Variants in NECAB2 observed in about 807,000 individuals in gnomAD.
NECAB2 encodes the protein N-terminal EF-hand calcium-binding protein 2.
A neutral mutation model predicts 51.9 loss-of-function variants in NECAB2; 68 were observed. The observed-to-expected ratio is 1.31, with a 90% confidence interval of 1.08 to 1.60. The LOEUF is 1.60. Among genes scored for constraint, NECAB2 ranks in the 40% most tolerant of loss-of-function variants. The pLI, the probability that NECAB2 is intolerant of heterozygous loss-of-function variation, is 0.00. For missense variants in NECAB2, 854 were observed against 490.3 expected, an observed-to-expected ratio of 1.74 and a Z score of -7.00; for synonymous variants, 329 against 203.5, an observed-to-expected ratio of 1.62 and a Z score of -5.25.
chr16:84,002,013 T>C, intron 12 of NECAB2, 97 bp downstream of exon 12: 2 of 1,365,646 alleles, frequency 1.5e-6, no homozygotes, highest in African/African-American at 2.9e-5. Flanking sequence ...CTTGCCTGCT[T>C]GCTGTGGGCC....
chr16:83,977,408 C>G (rs1284305592), intron 2 of NECAB2, among the ~76,000 whole-genome samples: 1 of 152,122 alleles, frequency 6.6e-6, no homozygotes, highest in Non-Finnish European at 1.5e-5. Flanking sequence ...GGACCGCCTC[C>G]CAGAGTCCCT....
Position 83,968,567 on chromosome 16 carries a change from G to A in NECAB2, c.-82G>A, listed in dbSNP as rs867680443. On this transcript the variant is annotated 5_prime_UTR_variant, in exon 1 of 13. Transcript: ENST00000305202. ...GAGAGGGCGGGGCGGCGCGGGCAGCGCGGGGAGGGGGTCGCGCGGGGGCGG... is the reference window on the plus strand; with the variant it reads ...GAGAGGGCGGGGCGGCGCGGGCAGCACGGGGAGGGGGTCGCGCGGGGGCGG... 1.5e-4 allele frequency: 140 copies of A among 954,202 alleles called. No individual in the cohort carries two copies. The Middle Eastern group carries it at 3.2e-3, about 22-fold the overall frequency. The allele number at this position is 954,202 out of a possible 1,614,324, so 59.1% of individuals were successfully genotyped here. A position where few individuals can be genotyped will look rare whatever the true frequency, so the allele number is the denominator to read the frequency against.
chr16:83,965,513 G>T, upstream of NECAB2: 1 of 1,612,166 alleles, frequency 6.2e-7, no homozygotes, highest in Non-Finnish European at 8.5e-7. Context: ...GGTGATCCAT[G>T]CCTTCCGCCG....
At chr16:83,996,501 G>A (rs1322201155) in intron 8 of NECAB2, among the ~76,000 whole-genome samples, 1 of 152,188 alleles carries the variant, frequency 6.6e-6, no homozygotes, top group East Asian at 1.9e-4. Context: ...GACTCCCGTA[G>A]ATGGTCTGTC....
Position 83,980,699 on chromosome 16 carries a change from C to G in NECAB2, c.336-140C>G, listed in dbSNP as rs539017362. On this transcript the variant is annotated intron_variant, in intron 3 of 12. Coordinates refer to ENST00000305202, the MANE Select transcript of NECAB2 (RefSeq NM_019065.3). ...GGGTGTCACCTACCTGCTGCACCCT[C>G]TTCTGTAAGGCGGAGCTTGTGGGGC... 3.4e-5 allele frequency: 40 copies of G among 1,188,448 alleles called. No homozygotes were observed. In the African/African-American group the frequency reaches 4.6e-4, roughly 14 times the overall value. 73.6% of individuals were successfully genotyped at this position (1,188,448 alleles called of 1,614,324 possible).
rs552137080 is a variant in NECAB2 at position 83,997,308 on chromosome 16, C to A, written c.849+39C>A. On this transcript the variant is annotated intron_variant, in intron 9 of 12. Transcript: ENST00000305202. The stretch of plus-strand genomic sequence containing the variant: ...CCACCTCTCTTCTGGGACCACATCC[C>A]TACCCATGCCAGGACTGCCAAGATC... 4.1e-5 allele frequency: 66 copies of A among 1,613,092 alleles called. 1 individual carries two copies. The East Asian group carries it at 1.4e-3, about 35-fold the overall frequency.
chr16:83,967,974 G>T (rs934069764), upstream of NECAB2, among the ~76,000 whole-genome samples: 1 of 149,690 alleles, frequency 6.7e-6, no homozygotes, highest in Non-Finnish European at 1.5e-5. Flanking sequence ...GGACGGGTAG[G>T]CAGGTGGATG....
At chr16:83,965,558 C>T, upstream of NECAB2, 1 of 1,612,898 alleles carries the variant, frequency 6.2e-7, no homozygotes, top group Non-Finnish European at 8.5e-7. Context: ...GTTCAACCAG[C>T]TGCCCAAGAT....
upstream of NECAB2, chr16:83,966,035 G>C: frequency 2.0e-6 from 3 of 1,469,642 alleles, no homozygotes; most frequent in Non-Finnish European, 2.7e-6. Context: ...TGGCTCCCAG[G>C]CCCTGAGAGG....
In NECAB2 at chr16:83,994,590, GTC is replaced by G. The variant is rs760351934; in HGVS notation, c.716-15_716-14del. 12 of 1,613,892 alleles carry G rather than the reference GTC, an allele frequency of 7.4e-6. No individual in the cohort carries two copies. The African/African-American group carries it at 1.5e-4, about 20-fold the overall frequency. The stretch of plus-strand genomic sequence containing the variant: ...TCCTGCCCACCACTGAAGTCTGTGT[GTC>G]TCTTTCTCTACCGCAGCCACGGAGG... On this transcript the variant is annotated splice_polypyrimidine_tract_variant and intron_variant, in intron 7 of 12. Coordinates refer to ENST00000305202, the MANE Select transcript of NECAB2 (RefSeq NM_019065.3).
intron 5 of NECAB2, among the ~76,000 whole-genome samples, chr16:83,986,734 A>G (rs2084562288): frequency 6.9e-6 from 1 of 145,308 alleles, no homozygotes; most frequent in South Asian, 2.2e-4. Flanking sequence ...TGCTTAGACT[A>G]GTCTCAAACT....
chr16:83,990,878 T>G (rs2084615279), intron 6 of NECAB2, among the ~76,000 whole-genome samples: 1 of 152,194 alleles, frequency 6.6e-6, no homozygotes, highest in African/African-American at 2.4e-5. Flanking sequence ...ACATATTTAT[T>G]AATACAGTGA....
chr16:83,967,226 C>G (rs188755898), upstream of NECAB2, among the ~76,000 whole-genome samples: 749 of 152,180 alleles, frequency 4.9e-3, 7 homozygotes, highest in African/African-American at 0.017. Context: ...GTGTTTGGCT[C>G]TGCCCACTTG....
At chr16:83,974,389 T>C (rs539220302) in intron 2 of NECAB2, among the ~76,000 whole-genome samples, 15 of 152,302 alleles carry the variant, frequency 9.8e-5, no homozygotes, top group African/African-American at 3.4e-4. Flanking sequence ...GCTTCGCTCA[T>C]TGAAGATATC....
At chr16:84,001,324 A>C (rs1478025318) in intron 11 of NECAB2, among the ~76,000 whole-genome samples, 2 of 151,952 alleles carry the variant, frequency 1.3e-5, no homozygotes, top group African/African-American at 4.8e-5. Flanking sequence ...CCCCACAGGC[A>C]GGAAGCGGGG....
chr16:83,970,107 C>T (rs186987426), intron 1 of NECAB2, among the ~76,000 whole-genome samples: 70 of 152,330 alleles, frequency 4.6e-4, no homozygotes, highest in African/African-American at 1.6e-3. Context: ...CTGGGCAGAG[C>T]CCTGCAGCCC....
intron 3 of NECAB2, 24 bp from the exon 4 acceptor site, chr16:83,980,815 C>G (rs182497178): frequency 1.9e-6 from 3 of 1,565,552 alleles, no homozygotes; most frequent in Non-Finnish European, 2.6e-6. Flanking sequence ...CTCTGTCTGT[C>G]TCTGCCTCTG....
intron 8 of NECAB2, 32 bp from the exon 9 acceptor site, chr16:83,997,184 G>A (rs2084716700): frequency 6.2e-7 from 1 of 1,614,000 alleles, no homozygotes; most frequent in Non-Finnish European, 8.5e-7. Flanking sequence ...GGGGCTCTGG[G>A]TCTAGCATCA....
rs905585038 is a variant in NECAB2 at position 83,968,492 on chromosome 16, C to A, written c.-157C>A. ...GGCTCGGGGTCCGGCCGGCCCGCCC[C>A]CCGGCGCCGGCCAGTCCCCGCGGTG... On this transcript the variant is annotated 5_prime_UTR_variant, in exon 1 of 13. Coordinates refer to ENST00000305202, the MANE Select transcript of NECAB2 (RefSeq NM_019065.3). The A allele has an allele frequency of 1.3e-5, 6 of 478,578 alleles. No homozygotes were observed. Among genetic ancestry groups the A allele is most frequent in the Non-Finnish European group, 1.6e-5 (6 of 370,418 alleles). The allele number at this position is 478,578 out of a possible 1,614,324, so 29.6% of individuals were successfully genotyped here. A position where few individuals can be genotyped will look rare whatever the true frequency, so the allele number is the denominator to read the frequency against.
Sources: gnomAD v4.1 joint callset for allele counts (sites outside exome capture counted in the v4.1 genomes callset) on GRCh38, gnomAD v4.1.1 for gene constraint, MANE v1.5 for transcripts, NCBI Gene and HGNC (gene_info 2026-07-23, HGNC 2026-07-21) for gene names.